Variants in PLEKHA7 observed in about 807,000 individuals in gnomAD.
The protein encoded by PLEKHA7 is pleckstrin homology domain containing A7, also known as pleckstrin homology domain-containing family A member 7.
A neutral mutation model predicts 170.0 loss-of-function variants in PLEKHA7; 104 were observed. The ratio of observed to expected loss-of-function variants is 0.61; its 90% CI spans 0.52 to 0.72. The LOEUF (loss-of-function observed/expected upper bound fraction) is 0.72, where lower values mean the gene tolerates loss of function less well. Among genes scored for constraint, PLEKHA7 ranks in the 30% least tolerant of loss-of-function variants. PLEKHA7 has a pLI of 0.00. For synonymous variants in PLEKHA7, 648 were observed against 660.8 expected (o/e 0.98, Z 0.30); for missense variants, 1,615 against 1,671.7 (o/e 0.97, Z 0.59).
intron 13 of PLEKHA7, among the ~76,000 whole-genome samples, chr11:16,805,789 C>CAAAAAA (rs11339921): frequency 2.6e-4 from 29 of 111,108 alleles, no homozygotes; most frequent in African/African-American, 6.9e-4. Flanking sequence ...GACTCCATGT[C>CAAAAAA]AAAAAAAAAA....
At chr11:16,870,517 G>A (rs571616956) in intron 4 of PLEKHA7, among the ~76,000 whole-genome samples, 111 of 151,794 alleles carry the variant, frequency 7.3e-4, no homozygotes, top group African/African-American at 2.1e-3. Context: ...TAGTTCCAGC[G>A]ACTTGGGCGG....
rs186625555 is a variant in PLEKHA7, at chr11:16,944,332, C to T, written c.221+69657G>A. On this transcript the variant is annotated intron_variant, in intron 3 of 26. Transcript: ENST00000531066. ...CCATGCCATTGCACTCCAACCTAGG[C>T]AACAAGAGCAAAACTCCGTCTCCCA... Among the ~76,000 whole-genome samples the T allele has an allele frequency of 1.1e-3, 156 of 147,604 alleles. 1 individual carries two copies. The Middle Eastern group carries it at 0.011, about 10-fold the overall frequency.
At chr11:16,820,195 C>T (rs72864016) in intron 10 of PLEKHA7, among the ~76,000 whole-genome samples, 1 of 152,328 alleles carries the variant, frequency 6.6e-6, no homozygotes, top group Non-Finnish European at 1.5e-5. Context: ...TTCTAGTGCT[C>T]TGTAAGGTTT....
At chr11:16,864,612 C>G (rs1189481047) in intron 4 of PLEKHA7, among the ~76,000 whole-genome samples, 1 of 152,154 alleles carries the variant, frequency 6.6e-6, no homozygotes, top group African/African-American at 2.4e-5. Context: ...TTTTCCCATG[C>G]TGTTCTTGTG....
At chr11:16,949,683 A>G (rs1861280263) in intron 3 of PLEKHA7, among the ~76,000 whole-genome samples, 1 of 152,230 alleles carries the variant, frequency 6.6e-6, no homozygotes, top group African/African-American at 2.4e-5. Flanking sequence ...AATAAAGAAG[A>G]GAATCAAGAA....
At chr11:16,963,698 A>T (rs548279578) in intron 3 of PLEKHA7, among the ~76,000 whole-genome samples, 1 of 152,318 alleles carries the variant, frequency 6.6e-6, no homozygotes, top group Non-Finnish European at 1.5e-5. Context: ...GGGTGTGGCC[A>T]CAAGTGTCCC....
chr11:17,003,992 G>A (rs966021171), intron 3 of PLEKHA7, among the ~76,000 whole-genome samples: 1 of 152,202 alleles, frequency 6.6e-6, no homozygotes, highest in Non-Finnish European at 1.5e-5. Context: ...CCAACAAGGA[G>A]TCTCTCCGCA....
chr11:16,892,432 G>GTGTGTGTTTTGTTT (rs1554964931), intron 3 of PLEKHA7, among the ~76,000 whole-genome samples: 18 of 115,022 alleles, frequency 1.6e-4, no homozygotes, highest in African/African-American at 4.4e-4. Flanking sequence ...GTGTGTGTGT[G>GTGTGTGTTTTGTTT]TGTTTTGTTT....
At chr11:16,802,333 G>A (rs907650563) in intron 15 of PLEKHA7, among the ~76,000 whole-genome samples, 2 of 152,176 alleles carry the variant, frequency 1.3e-5, no homozygotes, top group Admixed American at 1.3e-4. Context: ...AGGAAGCAAA[G>A]GCCTCTGCCC....
At chr11:16,957,756 T>C (rs1590717815) in intron 3 of PLEKHA7, among the ~76,000 whole-genome samples, 1 of 137,924 alleles carries the variant, frequency 7.3e-6, no homozygotes, top group South Asian at 2.4e-4. Flanking sequence ...CAGGCTGGAG[T>C]GCAATGGCAC....
At chr11:16,907,407 G>C (rs371832043) in intron 3 of PLEKHA7, among the ~76,000 whole-genome samples, 1 of 118,878 alleles carries the variant, frequency 8.4e-6, no homozygotes, top group African/African-American at 3.6e-5. Context: ...CCCCCCGCCC[G>C]GCCAGCCGCC....
Position 16,798,866 on chromosome 11 carries a change from C to T in PLEKHA7, c.2409+2108G>A, listed in dbSNP as rs554563336. On this transcript the variant is annotated intron_variant, in intron 17 of 26. Coordinates refer to ENST00000531066, the MANE Select transcript of PLEKHA7 (RefSeq NM_001329630.2). The stretch of plus-strand genomic sequence containing the variant: ...AGTTACACAAATCCTTATCACACCA[C>T]CATTTATAAAAGCAAAACGCTGAAA... Among the ~76,000 whole-genome samples, 4 of 152,254 alleles carry T rather than the reference C, an allele frequency of 2.6e-5. No homozygotes were observed. In the East Asian group the frequency reaches 7.7e-4, roughly 29 times the overall value.
At chr11:16,984,089 T>A (rs1375712969) in intron 3 of PLEKHA7, among the ~76,000 whole-genome samples, 2 of 151,910 alleles carry the variant, frequency 1.3e-5, no homozygotes, top group Non-Finnish European at 2.9e-5. Flanking sequence ...TAAAATAATA[T>A]TATCATGAAG....
intron 3 of PLEKHA7, among the ~76,000 whole-genome samples, chr11:16,984,948 A>C (rs918129678): frequency 5.3e-5 from 8 of 152,242 alleles, no homozygotes; most frequent in African/African-American, 1.9e-4. Flanking sequence ...GCTGGCAAGC[A>C]ACAGAAGTGG....
At chr11:16,822,119 C>T (rs538479619) in intron 10 of PLEKHA7, among the ~76,000 whole-genome samples, 3 of 152,246 alleles carry the variant, frequency 2.0e-5, no homozygotes, top group Non-Finnish European at 4.4e-5. Flanking sequence ...AAATTCAGGC[C>T]GTTGTGTGTA....
chr11:16,962,335 C>T (rs532353985), intron 3 of PLEKHA7, among the ~76,000 whole-genome samples: 6 of 152,290 alleles, frequency 3.9e-5, no homozygotes, highest in South Asian at 2.1e-4. Context: ...AGACTCTTGG[C>T]GACCAGTCAA....
intron 3 of PLEKHA7, among the ~76,000 whole-genome samples, chr11:16,941,541 G>A (rs1860693189): frequency 6.6e-6 from 1 of 152,158 alleles, no homozygotes; most frequent in African/African-American, 2.4e-5. Flanking sequence ...AGAAGCAATG[G>A]CAATAATAGC....
At chr11:16,825,848 A>C (rs1357392107) in intron 10 of PLEKHA7, among the ~76,000 whole-genome samples, 1 of 152,236 alleles carries the variant, frequency 6.6e-6, no homozygotes, top group East Asian at 1.9e-4. Flanking sequence ...GTGTAATCGC[A>C]TGGAGGCCTT....
chr11:16,797,354 T>TAC (rs940196028), intron 17 of PLEKHA7, among the ~76,000 whole-genome samples: 2 of 152,200 alleles, frequency 1.3e-5, no homozygotes, highest in African/African-American at 4.8e-5. Context: ...GGCACCTAGC[T>TAC]ACCCCTCAAC....
Sources: allele counts gnomAD v4.1 joint callset (sites outside exome capture counted in the v4.1 genomes callset), GRCh38; gene constraint gnomAD v4.1.1; transcripts MANE v1.5; gene names NCBI Gene and HGNC (gene_info 2026-07-23, HGNC 2026-07-21).